PTPRA: variants seen among roughly 807,000 people sequenced by gnomAD.
PTPRA encodes protein tyrosine phosphatase receptor type A, also known as receptor-type tyrosine-protein phosphatase alpha.
Under a neutral mutation model 104.8 loss-of-function variants are expected in PTPRA, and 25 were observed. That is an observed-to-expected ratio of 0.24 (90% CI 0.17 to 0.33). The LOEUF (loss-of-function observed/expected upper bound fraction) is 0.33, where lower values mean the gene tolerates loss of function less well. Ranked by LOEUF, PTPRA falls within the 10% of genes least tolerant of loss-of-function variation. PTPRA has a pLI of 1.00. For synonymous variants in PTPRA, 323 were observed against 368.9 expected, an observed-to-expected ratio of 0.88 and a Z score of 1.43; for missense variants, 765 against 1,015.3, an observed-to-expected ratio of 0.75 and a Z score of 3.35.
chr20:2,988,095 T>C lies in PTPRA; in HGVS notation c.591T>C (p.Thr197=), dbSNP rs2062984474. ...SNSFRLSNGR[T]EDVEPQSVPL... is the part of the protein sequence containing the mutation. ...CTTTCCGCTTATCCAACGGCCGCAC[T>C]GAGGATGTGGGTAAGGCATTCCTTA... The change falls in exon 8 of 24, where the codon ACT becomes ACC. Residue 197 remains threonine, a synonymous_variant. Transcript: ENST00000399903. 1 of 1,584,186 alleles carries C rather than the reference T, an allele frequency of 6.3e-7. No homozygotes were observed. Among genetic ancestry groups the C allele is most frequent in the Non-Finnish European group, 8.7e-7 (1 of 1,152,726 alleles).
chr20:2,896,847 A>T (rs2059019356), intron 1 of PTPRA, among the ~76,000 whole-genome samples: 1 of 152,176 alleles, frequency 6.6e-6, no homozygotes, highest in African/African-American at 2.4e-5. Context: ...ACCATTCAGG[A>T]TTATGCCTTG....
At chr20:2,864,778 A>G in the PTPRA span, 1 of 1,203,036 alleles carries the variant, frequency 8.3e-7, no homozygotes, top group Non-Finnish European at 1.2e-6. This position sits in a 1 kb window ranked among gnomAD's most constrained non-coding sequence, Gnocchi z 5.2. Flanking sequence ...ACTGTGAGGG[A>G]GACTCTGACG....
chr20:2,899,534 G>T (rs2059147257), intron 1 of PTPRA, among the ~76,000 whole-genome samples: 1 of 152,058 alleles, frequency 6.6e-6, no homozygotes, highest in Non-Finnish European at 1.5e-5. Flanking sequence ...TGAGATTTGT[G>T]GTTGGACGGT....
chr20:3,023,811 TG>T, intron 16 of PTPRA, among the ~76,000 whole-genome samples: 2 of 152,342 alleles, frequency 1.3e-5, no homozygotes, highest in East Asian at 3.9e-4. Flanking sequence ...CTCTATACTT[TG>T]TCTCTGTGTC....
chr20:2,973,237 C>T (rs997100701), intron 5 of PTPRA, among the ~76,000 whole-genome samples: 2 of 151,018 alleles, frequency 1.3e-5, no homozygotes, highest in Non-Finnish European at 2.9e-5. Context: ...TTTATGTTTA[C>T]GTTTTCTATT....
In PTPRA at chr20:2,889,213, C is replaced by T. The variant is rs540485695; in HGVS notation, c.-129+15453C>T. 4.6e-4 allele frequency among the ~76,000 whole-genome samples: 70 copies of T among 152,230 alleles called. 1 individual carries two copies. The South Asian group carries it at 5.4e-3, about 12-fold the overall frequency. ...GTTTTCTTTTAGTCTTGTTATTGTA[C>T]TTGTAAGCATAGGCATTTTGTATAG... On this transcript the variant is annotated intron_variant, in intron 1 of 23. Transcript: ENST00000399903.
At chr20:2,911,166 A>C (rs1238029810) in intron 1 of PTPRA, among the ~76,000 whole-genome samples, 1 of 150,802 alleles carries the variant, frequency 6.6e-6, no homozygotes, top group Non-Finnish European at 1.5e-5. Flanking sequence ...TCTAGATCAA[A>C]CTCTTCCTTA....
chr20:2,947,511 T>A (rs1600154871), intron 2 of PTPRA, among the ~76,000 whole-genome samples: 2 of 152,348 alleles, frequency 1.3e-5, no homozygotes, highest in East Asian at 3.9e-4. Context: ...GTCATCTGAC[T>A]TTGCTTTTGT....
intron 1 of PTPRA, among the ~76,000 whole-genome samples, chr20:2,903,338 G>A (rs2059303611): frequency 6.6e-6 from 1 of 152,160 alleles, no homozygotes; most frequent in South Asian, 2.1e-4. Flanking sequence ...TGTGTAATGT[G>A]CCTAGCTTAT....
chr20:2,901,453 G>T (rs1223011468), intron 1 of PTPRA, among the ~76,000 whole-genome samples: 1 of 152,154 alleles, frequency 6.6e-6, no homozygotes, highest in Non-Finnish European at 1.5e-5. Flanking sequence ...GCTATTGATG[G>T]CAGGAAGTAT....
intron 1 of PTPRA, among the ~76,000 whole-genome samples, chr20:2,921,511 A>T (rs771947002): frequency 5.3e-5 from 8 of 152,042 alleles, no homozygotes; most frequent in Non-Finnish European, 1.0e-4. Context: ...TTGTTATGGA[A>T]TACTGGATAG....
At position 3,019,436 on chromosome 20, in the gene PTPRA, A is replaced by T. The variant is rs575610761; in HGVS notation, c.1041+1523A>T. Among the ~76,000 whole-genome samples the T allele has an allele frequency of 5.1e-3, 727 of 142,808 alleles. 5 individuals are homozygous for T. The highest frequency in any genetic ancestry group is 0.018 in the African/African-American group (698 of 37,784). The allele number at this position is 142,808 out of a possible 152,430, so 93.7% of individuals were successfully genotyped here. A position where few individuals can be genotyped will look rare whatever the true frequency, so the allele number is the denominator to read the frequency against. ...GGCAGAGGGTCTCCTCACTTCTCAGACGGGGCGGCCAGGCAGAGATGCTCC... is the reference window on the plus strand; with the variant it reads ...GGCAGAGGGTCTCCTCACTTCTCAGTCGGGGCGGCCAGGCAGAGATGCTCC... On this transcript the variant is annotated intron_variant, in intron 13 of 23. Coordinates refer to ENST00000399903, the MANE Select transcript of PTPRA (RefSeq NM_001385305.1).
At position 3,037,147 on chromosome 20, in the gene PTPRA, G is replaced by T. The variant is rs1228203928; in HGVS notation, c.2199-7G>T. On this transcript the variant is annotated splice_polypyrimidine_tract_variant and splice_region_variant and intron_variant, in intron 22 of 23. Transcript: ENST00000399903. This position sits in a 1 kb window ranked among gnomAD's most constrained non-coding sequence, Gnocchi z 4.3. The stretch of plus-strand genomic sequence containing the variant: ...CAGGTGTGGTAAATGTGTCTGCTCT[G>T]TTGCAGCGCCGGGGCAGGAAGGACG... The T allele has an allele frequency of 1.9e-6, 3 of 1,613,544 alleles. No individual in the cohort carries two copies. The highest frequency in any genetic ancestry group is 1.1e-5 in the South Asian group (1 of 91,036).
intron 2 of PTPRA, among the ~76,000 whole-genome samples, chr20:2,946,473 A>G (rs1180411744): frequency 2.0e-5 from 3 of 152,172 alleles, no homozygotes; most frequent in Non-Finnish European, 4.4e-5. Context: ...GAGGAGAGAG[A>G]CTATGTCAAG....
intron 20 of PTPRA, among the ~76,000 whole-genome samples, chr20:3,033,743 A>G (rs1047844053): frequency 1.3e-5 from 2 of 151,776 alleles, no homozygotes; most frequent in African/African-American, 4.8e-5. Context: ...CTCTACTAAA[A>G]ATACAAAATT....
intron 1 of PTPRA, among the ~76,000 whole-genome samples, chr20:2,912,152 TGA>T (rs1300726312): frequency 1.3e-5 from 2 of 151,782 alleles, no homozygotes; most frequent in Non-Finnish European, 2.9e-5. Context: ...GAGGCTGAAG[TGA>T]GAGAATCACT....
At chr20:2,940,065 G>A (rs954782838) in intron 2 of PTPRA, among the ~76,000 whole-genome samples, 12 of 152,230 alleles carry the variant, frequency 7.9e-5, no homozygotes, top group African/African-American at 2.2e-4. Flanking sequence ...AGCTGAGATC[G>A]CGCCACTGCG....
chr20:2,907,326 A>G (rs2059462900), intron 1 of PTPRA, among the ~76,000 whole-genome samples: 1 of 152,018 alleles, frequency 6.6e-6, no homozygotes, highest in Non-Finnish European at 1.5e-5. Flanking sequence ...AAAAAAAAGC[A>G]TGATAAAACT....
chr20:2,936,328 T>G (rs754024499), intron 2 of PTPRA, among the ~76,000 whole-genome samples: 1 of 151,996 alleles, frequency 6.6e-6, no homozygotes, highest in African/African-American at 2.4e-5. Flanking sequence ...GTTGGGTCTT[T>G]TCTTTTCTTT....
Sources: gnomAD v4.1 joint callset for allele counts (sites outside exome capture counted in the v4.1 genomes callset) on GRCh38, gnomAD v4.1.1 for gene constraint, Gnocchi (gnomAD v3.1) non-coding constraint, MANE v1.5 for transcripts, NCBI Gene and HGNC (gene_info 2026-07-23, HGNC 2026-07-21) for gene names.